The following KCNJ6 variants were observed in gnomAD, a reference collection of about 807,000 sequenced individuals.
The protein encoded by KCNJ6 is G protein-activated inward rectifier potassium channel 2.
Under a neutral mutation model 34.2 loss-of-function variants are expected in KCNJ6, and 9 were observed. The observed-to-expected ratio is 0.26, with a 90% CI of 0.16 to 0.46. The LOEUF is 0.46. KCNJ6 is among the 20% of genes least tolerant of loss of function. The pLI is 1.00. For missense variants in KCNJ6, 236 were observed against 531.3 expected (o/e 0.44, Z 5.46); for synonymous variants, 196 against 207.1 (o/e 0.95, Z 0.46).
intron 2 of KCNJ6, among the ~76,000 whole-genome samples, chr21:37,743,568 G>T (rs2054951691): frequency 6.6e-6 from 1 of 152,082 alleles, no homozygotes; most frequent in South Asian, 2.1e-4. Context: ...ATAAGAGAAT[G>T]AGTTTGGCCC....
At chr21:37,752,197 C>T (rs2054999371) in intron 2 of KCNJ6, among the ~76,000 whole-genome samples, 1 of 152,134 alleles carries the variant, frequency 6.6e-6, no homozygotes, top group Admixed American at 6.5e-5. Context: ...CTCATGAGAC[C>T]TTGGGCACCA....
At chr21:37,806,232 T>C (rs547493823) in intron 2 of KCNJ6, among the ~76,000 whole-genome samples, 40 of 152,302 alleles carry the variant, frequency 2.6e-4, no homozygotes, top group Non-Finnish European at 4.3e-4. Context: ...CCCAGGTAGA[T>C]AGCGGATGGG....
At chr21:37,865,972 T>TA (rs948067153) in intron 1 of KCNJ6, among the ~76,000 whole-genome samples, 3 of 152,036 alleles carry the variant, frequency 2.0e-5, no homozygotes, top group Admixed American at 1.3e-4. Context: ...TTCAACAAAT[T>TA]AAAAAAAATC....
At chr21:37,846,398 TGTGTGTGA>T (rs1269398632) in intron 1 of KCNJ6, among the ~76,000 whole-genome samples, 1 of 97,432 alleles carries the variant, frequency 1.0e-5, no homozygotes, top group Non-Finnish European at 2.2e-5. Flanking sequence ...TGTGTGTGTG[TGTGTGTGA>T]GGGAGAGAGG....
intron 1 of KCNJ6, among the ~76,000 whole-genome samples, chr21:37,900,462 CT>C (rs1219758242): frequency 6.6e-6 from 1 of 152,180 alleles, no homozygotes; most frequent in Non-Finnish European, 1.5e-5. Context: ...AACTCTACCC[CT>C]AGGAGCTTGC....
chr21:37,742,025 G>A (rs1481197620), intron 2 of KCNJ6, among the ~76,000 whole-genome samples: 5 of 152,236 alleles, frequency 3.3e-5, no homozygotes, highest in Admixed American at 1.3e-4. Context: ...TGTTGGAAAA[G>A]GGGGAAGGCC....
chr21:37,693,019 C>T (rs543832951), intron 3 of KCNJ6, among the ~76,000 whole-genome samples: 3 of 152,212 alleles, frequency 2.0e-5, no homozygotes, highest in South Asian at 2.1e-4. Flanking sequence ...TAGTGACTGC[C>T]GCACCCTGTG....
intron 3 of KCNJ6, among the ~76,000 whole-genome samples, chr21:37,703,381 AT>A (rs1450893488): frequency 1.3e-5 from 2 of 152,060 alleles, no homozygotes; most frequent in African/African-American, 4.8e-5. Flanking sequence ...TGTGGTGGAA[AT>A]GGTCGTGAGA....
chr21:37,761,151 G>GTGTGTGTGCTGTATGTGTGT (rs1227562740), intron 2 of KCNJ6, among the ~76,000 whole-genome samples: 2 of 151,286 alleles, frequency 1.3e-5, no homozygotes, highest in Admixed American at 1.3e-4. Context: ...GGTATGTGTG[G>GTGTGTGTGCTGTATGTGTGT]TGTGTGTGCT....
chr21:37,805,397 T>TA (rs1013844085), intron 2 of KCNJ6, among the ~76,000 whole-genome samples: 19 of 151,154 alleles, frequency 1.3e-4, no homozygotes, highest in African/African-American at 4.1e-4. Flanking sequence ...ATGATAAAAA[T>TA]AAAAAAAATA....
chr21:37,889,480 A>T (rs1444070059), intron 1 of KCNJ6, among the ~76,000 whole-genome samples: 1 of 152,122 alleles, frequency 6.6e-6, no homozygotes, highest in East Asian at 1.9e-4. Flanking sequence ...GGTGTGGTTC[A>T]CCATTTTGCC....
intron 2 of KCNJ6, among the ~76,000 whole-genome samples, chr21:37,751,396 G>A (rs1167708072): frequency 6.6e-6 from 1 of 152,232 alleles, no homozygotes; most frequent in East Asian, 1.9e-4. Flanking sequence ...CCCTCTGTGT[G>A]CTAACACTGG....
chr21:37,830,255 G>A (rs2055419167), intron 2 of KCNJ6, among the ~76,000 whole-genome samples: 1 of 152,188 alleles, frequency 6.6e-6, no homozygotes, highest in African/African-American at 2.4e-5. Flanking sequence ...TCATCCCAGT[G>A]TTAGGCAAGT....
chr21:37,793,545 C>CAA lies in KCNJ6; in HGVS notation c.25+47111_25+47112dup, dbSNP rs954872713. 3.3e-3 allele frequency among the ~76,000 whole-genome samples: 66 copies of CAA among 19,806 alleles called. 2 individuals carry two copies. The highest frequency in any genetic ancestry group is 0.036 in the Middle Eastern group (1 of 28). The allele number at this position is 19,806 out of a possible 152,430, so 13.0% of individuals were successfully genotyped here. On this transcript the variant is annotated intron_variant, in intron 2 of 3. Coordinates refer to ENST00000609713, the MANE Select transcript of KCNJ6 (RefSeq NM_002240.5). ...TGGGTGAAAGAGCGAGACTCCATCT[C>CAA]AAAAAAAAAAAAAAAAAAAAAAAAA... is the stretch of plus-strand genomic sequence containing the variant.
chr21:37,881,523 T>C (rs914509964), intron 1 of KCNJ6, among the ~76,000 whole-genome samples: 2 of 151,898 alleles, frequency 1.3e-5, no homozygotes, highest in Non-Finnish European at 2.9e-5. Context: ...TCTTTTGTTG[T>C]TGTTGTTATT....
Position 37,608,785 on chromosome 21 carries a change from T to A in KCNJ6, c.*16374A>T, listed in dbSNP as rs2054232976. 2 of 152,238 alleles carry A rather than the reference T, an allele frequency of 1.3e-5. No homozygotes were observed. Among genetic ancestry groups the A allele is most frequent in the African/African-American group, 4.8e-5 (2 of 41,456 alleles). The allele number at this position is 152,238 out of a possible 1,614,324, so 9.4% of individuals were successfully genotyped here. A position where few individuals can be genotyped will look rare whatever the true frequency, so the allele number is the denominator to read the frequency against. Reference sequence around the variant, plus strand: ...GGACAGTGGGGGATGTTACTTTTTCTCAGAGTCTTCATAGTAACTTGTCAA... The same window carrying A: ...GGACAGTGGGGGATGTTACTTTTTCACAGAGTCTTCATAGTAACTTGTCAA... On this transcript the variant is annotated 3_prime_UTR_variant, in exon 4 of 4. Transcript: ENST00000609713.
chr21:37,853,010 G>T (rs1004911037), intron 1 of KCNJ6, among the ~76,000 whole-genome samples: 2 of 151,892 alleles, frequency 1.3e-5, no homozygotes, highest in Non-Finnish European at 2.9e-5. Context: ...TTAAAAAAAT[G>T]AACAGAGCCT....
chr21:37,762,038 CAGAAGGACAGGG>C (rs1434915259), intron 2 of KCNJ6, among the ~76,000 whole-genome samples: 2 of 152,128 alleles, frequency 1.3e-5, no homozygotes, highest in African/African-American at 4.8e-5. Flanking sequence ...CTTTTAGCTC[CAGAAGGACAGGG>C]GTGTCTGTCA....
At chr21:37,879,614 G>A (rs7276585) in intron 1 of KCNJ6, among the ~76,000 whole-genome samples, 67,806 of 151,518 alleles carry the variant, frequency 0.45, 16,113 homozygotes, top group East Asian at 0.63. Context: ...TCTCTTCCCC[G>A]GCTGAAGACT....
Sources: gnomAD v4.1 joint callset for allele counts (sites outside exome capture counted in the v4.1 genomes callset) on GRCh38, gnomAD v4.1.1 for gene constraint, MANE v1.5 for transcripts, NCBI Gene and HGNC (gene_info 2026-07-23, HGNC 2026-07-21) for gene names.